DOCK5: variants seen among roughly 807,000 people sequenced by gnomAD.
DOCK5 encodes dedicator of cytokinesis 5, also known as dedicator of cytokinesis protein 5.
In DOCK5, 142 loss-of-function variants were observed where a neutral mutation model predicts 251.8. That is an observed-to-expected ratio of 0.56 (90% CI 0.49 to 0.65). The LOEUF is 0.65. Ranked by LOEUF, DOCK5 falls within the 30% of genes least tolerant of loss-of-function variation. DOCK5 has a pLI of 0.00. For synonymous variants in DOCK5, 842 were observed against 835.5 expected (o/e 1.01, Z -0.13); for missense variants, 2,111 against 2,312.3 (o/e 0.91, Z 1.79).
intron 22 of DOCK5, among the ~76,000 whole-genome samples, chr8:25,339,611 C>A (rs1410809273): frequency 6.6e-6 from 1 of 152,168 alleles, no homozygotes; most frequent in Non-Finnish European, 1.5e-5. Context: ...CCAGAGATGT[C>A]AGGTAAGGGT....
chr8:25,395,446 G>C, intron 44 of DOCK5, 97 bp from the exon 45 acceptor site: 1 of 1,306,900 alleles, frequency 7.7e-7, no homozygotes, highest in Admixed American at 2.3e-5. Flanking sequence ...ATAGCTTGTG[G>C]GCATTTTATA....
At chr8:25,375,097 T>A in intron 37 of DOCK5, 1 of 733,328 alleles carries the variant, frequency 1.4e-6, no homozygotes, top group Non-Finnish European at 1.7e-6. Flanking sequence ...AGTAATTATT[T>A]CTAGCCCTGA....
At chr8:25,322,008 G>C (rs553360563) in intron 16 of DOCK5, among the ~76,000 whole-genome samples, 3 of 152,206 alleles carry the variant, frequency 2.0e-5, no homozygotes, top group African/African-American at 7.2e-5. Context: ...TTCTTGAAAT[G>C]GCTACACTAA....
chr8:25,197,563 T>TTGTG (rs1801759667), intron 1 of DOCK5, among the ~76,000 whole-genome samples: 1 of 70,012 alleles, frequency 1.4e-5, no homozygotes, highest in Non-Finnish European at 4.2e-5. Context: ...TCTTTAAGGA[T>TTGTG]CGTGTCTTTG....
intron 7 of DOCK5, among the ~76,000 whole-genome samples, chr8:25,298,019 T>C (rs1804663462): frequency 6.8e-6 from 1 of 147,430 alleles, no homozygotes. Flanking sequence ...ATCATACCAC[T>C]GCACTCCAGC....
At chr8:25,333,578 C>G (rs979784955) in intron 20 of DOCK5, among the ~76,000 whole-genome samples, 2 of 152,100 alleles carry the variant, frequency 1.3e-5, no homozygotes, top group African/African-American at 2.4e-5. Context: ...TCTTCTGACC[C>G]CTCTGTCTTA....
chr8:25,329,373 G>A (rs921971411), intron 18 of DOCK5, among the ~76,000 whole-genome samples: 2 of 151,732 alleles, frequency 1.3e-5, no homozygotes, highest in African/African-American at 2.4e-5. Context: ...CTTATTTTTC[G>A]GTGGTGAGAA....
chr8:25,359,432 C>T (rs1800637378), intron 28 of DOCK5, among the ~76,000 whole-genome samples: 2 of 152,150 alleles, frequency 1.3e-5, no homozygotes, highest in Admixed American at 6.5e-5. Flanking sequence ...TCTCCTAAGA[C>T]GTGGTTGATA....
intron 30 of DOCK5, 47 bp downstream of exon 30, chr8:25,364,751 C>T (rs1800747200): frequency 1.5e-6 from 2 of 1,361,504 alleles, no homozygotes; most frequent in African/African-American, 2.9e-5. Context: ...TTGGCCATGG[C>T]AAGAGAACTA....
chr8:25,256,695 G>A (rs1490641471), intron 2 of DOCK5, among the ~76,000 whole-genome samples: 2 of 151,714 alleles, frequency 1.3e-5, no homozygotes, highest in East Asian at 1.9e-4. Context: ...GATACAAAGG[G>A]TGAAATTTTT....
chr8:25,191,970 A>G (rs1256593464), intron 1 of DOCK5, among the ~76,000 whole-genome samples: 3 of 124,698 alleles, frequency 2.4e-5, no homozygotes, highest in Non-Finnish European at 4.7e-5. Flanking sequence ...TCCTGTGTCC[A>G]AGTGTTCTCA....
intron 33 of DOCK5, 32 bp from the exon 34 acceptor site, chr8:25,369,524 A>T (rs1272513547): frequency 6.3e-7 from 1 of 1,579,020 alleles, no homozygotes. Context: ...AGGATGCAAC[A>T]TTATCCTGTG....
chr8:25,268,701 A>T, intron 2 of DOCK5, 144 bp from the exon 3 acceptor site: 1 of 645,230 alleles, frequency 1.5e-6, no homozygotes, highest in Non-Finnish European at 2.5e-6. Flanking sequence ...AAACTAAAAC[A>T]TTCATCTTCT....
At position 25,308,910 on chromosome 8, in the gene DOCK5, A is replaced by G; in HGVS notation, c.1177A>G (p.Asn393Asp). Residue 393 changes from asparagine to aspartate, a missense_variant, in exon 12 of 52, where the codon AAT (asparagine) becomes GAT (aspartate). Physicochemically the swap from Asn to Asp is conservative, Grantham distance 23 (BLOSUM62 1). Transcript: ENST00000276440. The stretch of plus-strand genomic sequence containing the variant: ...TAAAGTGATTGCAGCAAAGGAAGTG[A>G]ATCACAAAGGGCAAGGTACAGTCCA... ...LNKVIAAKEV[N>D]HKGQGLWVSL... 1 of 1,613,732 alleles carries G rather than the reference A, an allele frequency of 6.2e-7. No homozygotes were observed. Among genetic ancestry groups the G allele is most frequent in the Non-Finnish European group, 8.5e-7 (1 of 1,179,684 alleles).
At chr8:25,296,779 A>G (rs1011275303) in intron 7 of DOCK5, 131 bp downstream of exon 7, 4 of 1,175,502 alleles carry the variant, frequency 3.4e-6, no homozygotes, top group Non-Finnish European at 3.5e-6. Context: ...AAAGTGAAAC[A>G]TAGCAGAAAG....
At chr8:25,250,295 G>A (rs762706474) in intron 2 of DOCK5, among the ~76,000 whole-genome samples, 13 of 152,180 alleles carry the variant, frequency 8.5e-5, no homozygotes, top group Non-Finnish European at 1.6e-4. Context: ...TGACTGAGAA[G>A]CTATCTACTG....
chr8:25,407,321 T>G (rs1331147887), intron 48 of DOCK5, among the ~76,000 whole-genome samples: 2 of 152,084 alleles, frequency 1.3e-5, no homozygotes, highest in African/African-American at 4.8e-5. Flanking sequence ...TGGGTAGGAT[T>G]TGAACACAGG....
chr8:25,242,208 G>A (rs1586257740), intron 1 of DOCK5, among the ~76,000 whole-genome samples: 1 of 152,130 alleles, frequency 6.6e-6, no homozygotes, highest in East Asian at 1.9e-4. Flanking sequence ...AAGATACACA[G>A]GTTCCAGGGA....
intron 18 of DOCK5, among the ~76,000 whole-genome samples, chr8:25,325,848 TC>T (rs35876395): frequency 1.3e-5 from 2 of 152,246 alleles, no homozygotes; most frequent in Non-Finnish European, 2.9e-5. Flanking sequence ...AGCCGTATGT[TC>T]CCTGATAGTG....
Sources: allele counts gnomAD v4.1 joint callset (sites outside exome capture counted in the v4.1 genomes callset), GRCh38; gene constraint gnomAD v4.1.1; transcripts MANE v1.5; gene names NCBI Gene and HGNC (gene_info 2026-07-23, HGNC 2026-07-21).